TMEM132D: variants seen among roughly 807,000 people sequenced by gnomAD.
TMEM132D encodes the protein mature OL transmembrane protein.
A neutral mutation model predicts 62.3 loss-of-function variants in TMEM132D; 21 were observed. The observed-to-expected ratio is 0.34, with a 90% CI of 0.24 to 0.49. The LOEUF (loss-of-function observed/expected upper bound fraction) is 0.49. TMEM132D is among the 20% of genes least tolerant of loss of function. TMEM132D has a pLI of 0.99. For synonymous variants in TMEM132D, 621 were observed against 575.6 expected (o/e 1.08, Z -1.13); for missense variants, 1,346 against 1,402.8 (o/e 0.96, Z 0.65).
At chr12:129,647,263 A>G (rs1424273862) in intron 2 of TMEM132D, among the ~76,000 whole-genome samples, 1 of 91,756 alleles carries the variant, frequency 1.1e-5, no homozygotes, top group Non-Finnish European at 2.2e-5. Flanking sequence ...TTTTTTTGCA[A>G]TTTGTCCACT....
chr12:129,242,823 T>G (rs1213383934), intron 4 of TMEM132D, among the ~76,000 whole-genome samples: 1 of 90,252 alleles, frequency 1.1e-5, no homozygotes, highest in Non-Finnish European at 2.7e-5. Context: ...ACTGATAAGT[T>G]CTTTAATCGT....
chr12:129,190,537 G>A (rs1204779836), intron 5 of TMEM132D, among the ~76,000 whole-genome samples: 1 of 101,798 alleles, frequency 9.8e-6, no homozygotes, highest in East Asian at 3.3e-4. Context: ...AGGGGTCTCG[G>A]CCTGCAGATG....
chr12:129,116,897 C>A (rs891258095), intron 5 of TMEM132D, among the ~76,000 whole-genome samples: 1 of 105,030 alleles, frequency 9.5e-6, no homozygotes, highest in Non-Finnish European at 1.8e-5. Flanking sequence ...GGCATTTACC[C>A]AAATGAGCTG....
chr12:129,874,680 A>G (rs1874358338), intron 1 of TMEM132D, among the ~76,000 whole-genome samples: 1 of 149,424 alleles, frequency 6.7e-6, no homozygotes, highest in South Asian at 2.1e-4. Context: ...CCCAAAAGTA[A>G]AAATGTTTTT....
chr12:129,902,307 G>T (rs182412537), intron 1 of TMEM132D, among the ~76,000 whole-genome samples: 20 of 152,318 alleles, frequency 1.3e-4, no homozygotes, highest in Admixed American at 1.1e-3. Flanking sequence ...TGGGTACAGG[G>T]TTCTTGCAGC....
chr12:129,622,314 C>A (rs1879095156), intron 2 of TMEM132D, among the ~76,000 whole-genome samples: 1 of 152,176 alleles, frequency 6.6e-6, no homozygotes, highest in Admixed American at 6.5e-5. Context: ...TTGCTGTAAT[C>A]GGCACCGACA....
intron 1 of TMEM132D, among the ~76,000 whole-genome samples, chr12:129,861,064 T>C (rs1330144191): frequency 1.3e-5 from 2 of 152,258 alleles, no homozygotes; most frequent in Non-Finnish European, 2.9e-5. Context: ...CTTCACTATG[T>C]TATGTTTTTA....
At chr12:129,152,130 C>T (rs1054014981) in intron 5 of TMEM132D, among the ~76,000 whole-genome samples, 1 of 152,160 alleles carries the variant, frequency 6.6e-6, no homozygotes, top group African/African-American at 2.4e-5. Context: ...TCTACCCCCG[C>T]CTTGGCCTCC....
Position 129,570,628 on chromosome 12 carries a change from G to A in TMEM132D, c.969-39423C>T, listed in dbSNP as rs547671121. On this transcript the variant is annotated intron_variant, in intron 2 of 8. Coordinates refer to ENST00000422113, the MANE Select transcript of TMEM132D (RefSeq NM_133448.3). ...TCTGATCGGGGCTGCTGTTAGGGGT[G>A]ATAATTCCAGTGCAATTCTGGGTCC... Among the ~76,000 whole-genome samples, 6 of 152,320 alleles carry A rather than the reference G, an allele frequency of 3.9e-5. No homozygotes were observed. The South Asian group carries it at 1.2e-3, about 32-fold the overall frequency.
chr12:129,275,409 T>A (rs1048458843), intron 4 of TMEM132D, among the ~76,000 whole-genome samples: 19 of 152,196 alleles, frequency 1.2e-4, no homozygotes, highest in Non-Finnish European at 1.0e-4. Flanking sequence ...CTTGAATAAC[T>A]AAAATTTGGG....
chr12:129,130,911 G>A (rs1876356538), intron 5 of TMEM132D, among the ~76,000 whole-genome samples: 1 of 152,170 alleles, frequency 6.6e-6, no homozygotes, highest in Admixed American at 6.5e-5. Context: ...CATTGGGATT[G>A]TCTGGGGAGC....
chr12:129,431,218 C>T (rs910536578), intron 3 of TMEM132D, among the ~76,000 whole-genome samples: 1 of 152,224 alleles, frequency 6.6e-6, no homozygotes, highest in Admixed American at 6.5e-5. Flanking sequence ...CCGATAAGGA[C>T]GCGGAGCTTC....
chr12:129,465,587 C>G (rs2137042915), intron 3 of TMEM132D, among the ~76,000 whole-genome samples: 1 of 152,242 alleles, frequency 6.6e-6, no homozygotes, highest in East Asian at 1.9e-4. Context: ...TGATAAGCAA[C>G]TTCAGCAAAG....
At chr12:129,730,211 G>A (rs937037432) in intron 1 of TMEM132D, among the ~76,000 whole-genome samples, 6 of 152,272 alleles carry the variant, frequency 3.9e-5, no homozygotes, top group South Asian at 2.1e-4. Context: ...CTGAGGAGCC[G>A]AAAGTCTAAT....
intron 1 of TMEM132D, among the ~76,000 whole-genome samples, chr12:129,766,910 C>G (rs1275788237): frequency 1.3e-5 from 2 of 152,116 alleles, no homozygotes; most frequent in Non-Finnish European, 2.9e-5. Flanking sequence ...ATGGCAACAC[C>G]CGGAAGTTAC....
intron 1 of TMEM132D, among the ~76,000 whole-genome samples, chr12:129,721,588 G>A (rs1251349766): frequency 2.6e-5 from 4 of 152,080 alleles, no homozygotes; most frequent in Admixed American, 1.3e-4. Context: ...CACCAAGCCC[G>A]TCCTCTCCCT....
intron 4 of TMEM132D, among the ~76,000 whole-genome samples, chr12:129,257,015 C>G (rs1042654908): frequency 6.6e-6 from 1 of 152,150 alleles, no homozygotes; most frequent in Non-Finnish European, 1.5e-5. Context: ...CACATGGCAT[C>G]AGACTTTCCC....
At chr12:129,476,908 TAA>T (rs1232665389) in intron 3 of TMEM132D, among the ~76,000 whole-genome samples, 1 of 152,202 alleles carries the variant, frequency 6.6e-6, no homozygotes, top group Non-Finnish European at 1.5e-5. Context: ...CCTTCCAGTA[TAA>T]GATGATCAAT....
intron 2 of TMEM132D, among the ~76,000 whole-genome samples, chr12:129,673,176 C>T (rs149054504): frequency 2.1e-4 from 31 of 149,886 alleles, no homozygotes; most frequent in African/African-American, 6.0e-4. Context: ...TCCTCTGCTA[C>T]GCCCTAGCAA....
Sources: allele counts gnomAD v4.1 joint callset (sites outside exome capture counted in the v4.1 genomes callset), GRCh38; gene constraint gnomAD v4.1.1; transcripts MANE v1.5; gene names NCBI Gene and HGNC (gene_info 2026-07-23, HGNC 2026-07-21).